Variants in ADGRL2 observed in about 807,000 individuals in gnomAD.
The protein encoded by ADGRL2 is adhesion G protein-coupled receptor L2.
Under a neutral mutation model 157.4 loss-of-function variants are expected in ADGRL2, and 44 were observed. The ratio of observed to expected loss-of-function variants is 0.28; its 90% confidence interval spans 0.22 to 0.36. ADGRL2 has a LOEUF of 0.36. Ranked by LOEUF, ADGRL2 falls within the 10% of genes least tolerant of loss-of-function variation. The probability of loss-of-function intolerance (pLI) is 1.00; values close to 1 mark genes in which losing one functional copy is unlikely to be tolerated. For synonymous variants in ADGRL2, 585 were observed against 624.7 expected (o/e 0.94, Z 0.95); for missense variants, 1,510 against 1,768.9 (o/e 0.85, Z 2.63).
intron 2 of ADGRL2, among the ~76,000 whole-genome samples, chr1:81,535,820 G>A (rs568238223): frequency 6.6e-6 from 1 of 152,212 alleles, no homozygotes; most frequent in South Asian, 2.1e-4. Flanking sequence ...TATGGCTCCT[G>A]CAAAGTAGGT....
At chr1:81,773,686 C>A (rs2086465312) in intron 2 of ADGRL2, among the ~76,000 whole-genome samples, 1 of 152,284 alleles carries the variant, frequency 6.6e-6, no homozygotes, top group South Asian at 2.1e-4. Context: ...AAGGGACTGA[C>A]ATTTAGGGGT....
chr1:81,945,618 TC>T (rs1218567684), intron 6 of ADGRL2, among the ~76,000 whole-genome samples: 2 of 152,100 alleles, frequency 1.3e-5, no homozygotes, highest in Non-Finnish European at 2.9e-5. Flanking sequence ...AATAATTTGA[TC>T]CATTTCAGAT....
chr1:81,719,417 A>T (rs1390885123), intron 1 of ADGRL2, among the ~76,000 whole-genome samples: 1 of 152,184 alleles, frequency 6.6e-6, no homozygotes, highest in African/African-American at 2.4e-5. Flanking sequence ...CTTCGTCTAC[A>T]CATAGCCAGA....
intron 3 of ADGRL2, among the ~76,000 whole-genome samples, chr1:81,636,140 T>C (rs1284805074): frequency 6.6e-6 from 1 of 152,166 alleles, no homozygotes; most frequent in South Asian, 2.1e-4. Context: ...GTGGGGTACA[T>C]GTACTCCTCC....
intron 2 of ADGRL2, among the ~76,000 whole-genome samples, chr1:81,563,767 T>C (rs928739456): frequency 1.3e-5 from 2 of 152,244 alleles, no homozygotes; most frequent in South Asian, 2.1e-4. Context: ...AGGAACATCA[T>C]ATATAAATAT....
chr1:81,830,165 A>G (rs1175473977), intron 1 of ADGRL2, among the ~76,000 whole-genome samples: 1 of 152,184 alleles, frequency 6.6e-6, no homozygotes, highest in Non-Finnish European at 1.5e-5. Flanking sequence ...GCTATATCTT[A>G]ATCTGTTTTA....
intron 2 of ADGRL2, among the ~76,000 whole-genome samples, chr1:81,847,672 A>G (rs1327593491): frequency 6.6e-6 from 1 of 151,802 alleles, no homozygotes; most frequent in East Asian, 1.9e-4. Flanking sequence ...TCCCTGAGTA[A>G]CAATGCAGCC....
chr1:81,766,918 C>G (rs1046525690), intron 2 of ADGRL2, among the ~76,000 whole-genome samples: 1 of 149,014 alleles, frequency 6.7e-6, no homozygotes, highest in African/African-American at 2.5e-5. Flanking sequence ...TTAAGAAAAA[C>G]ACATTATAAT....
At position 81,950,331 on chromosome 1, in the gene ADGRL2, T is replaced by A. The variant is rs1333227744; in HGVS notation, c.1353T>A (p.Pro451=). Residue 451 remains proline, a synonymous_variant, in exon 7 of 24, where the codon CCT becomes CCA. Coordinates refer to ENST00000686636, the MANE Select transcript of ADGRL2 (RefSeq NM_001366006.2). ...AAGGAAGCAAAGGGACAAAACCACCTCCAGCAGTTTCTACAACCAAAATTC... is the reference window on the plus strand; with the variant it reads ...AAGGAAGCAAAGGGACAAAACCACCACCAGCAGTTTCTACAACCAAAATTC... ...SQEGSKGTKP[P]PAVSTTKIPP... The A allele has an allele frequency of 1.7e-5, 28 of 1,613,880 alleles. No individual in the cohort carries two copies. Among genetic ancestry groups the A allele is most frequent in the Non-Finnish European group, 2.3e-5 (27 of 1,179,974 alleles).
At chr1:81,887,995 C>A (rs2094166739) in intron 2 of ADGRL2, among the ~76,000 whole-genome samples, 1 of 152,014 alleles carries the variant, frequency 6.6e-6, no homozygotes, top group African/African-American at 2.4e-5. Flanking sequence ...TGTGGCTAGA[C>A]AGTCAAGCGG....
At chr1:81,670,130 T>C (rs888634917) in intron 3 of ADGRL2, among the ~76,000 whole-genome samples, 12 of 152,194 alleles carry the variant, frequency 7.9e-5, no homozygotes, top group Non-Finnish European at 1.3e-4. Flanking sequence ...TGGCTAATTT[T>C]GAAAATCTTT....
At chr1:81,516,480 T>C (rs76219692) in intron 2 of ADGRL2, among the ~76,000 whole-genome samples, 5,531 of 152,344 alleles carry the variant, frequency 0.036, 176 homozygotes, top group Non-Finnish European at 0.058. Context: ...TCCTGCAAAG[T>C]ATTACCTGAC....
chr1:81,677,870 C>T (rs1189366117), intron 3 of ADGRL2, among the ~76,000 whole-genome samples: 1 of 152,164 alleles, frequency 6.6e-6, no homozygotes, highest in Non-Finnish European at 1.5e-5. Context: ...TAAAGTGACA[C>T]GCAAGGGACT....
intron 7 of ADGRL2, 72 bp downstream of exon 7, chr1:81,950,554 T>C: frequency 7.3e-7 from 1 of 1,371,310 alleles, no homozygotes; most frequent in Non-Finnish European, 1.0e-6. Flanking sequence ...GTGAAGTGAT[T>C]TTATTCAAAG....
At chr1:81,751,841 G>T (rs1329749523) in intron 1 of ADGRL2, among the ~76,000 whole-genome samples, 2 of 152,092 alleles carry the variant, frequency 1.3e-5, no homozygotes, top group Admixed American at 6.5e-5. Context: ...AATGTTATTT[G>T]TCATTACAAC....
chr1:81,691,485 T>G (rs2083332109), intron 3 of ADGRL2, among the ~76,000 whole-genome samples: 1 of 152,074 alleles, frequency 6.6e-6, no homozygotes, highest in Admixed American at 6.5e-5. Context: ...TAATACCAAC[T>G]ATTAGTTTTC....
chr1:81,553,981 T>C (rs979655202), intron 2 of ADGRL2, among the ~76,000 whole-genome samples: 13 of 152,226 alleles, frequency 8.5e-5, no homozygotes, highest in African/African-American at 2.7e-4. Flanking sequence ...CTAAAGGCCC[T>C]GTAGATGATA....
chr1:81,789,681 G>A (rs1374277788), intron 2 of ADGRL2, among the ~76,000 whole-genome samples: 1 of 129,822 alleles, frequency 7.7e-6, no homozygotes, highest in Non-Finnish European at 1.5e-5. Flanking sequence ...AGCGCCTGGT[G>A]ACAGAGCGAG....
At chr1:81,772,118 C>A (rs191452986) in intron 2 of ADGRL2, among the ~76,000 whole-genome samples, 22 of 151,814 alleles carry the variant, frequency 1.4e-4, no homozygotes, top group African/African-American at 5.3e-4. Flanking sequence ...GGCATAGTGG[C>A]GGGCACCTGT....
Sources: gnomAD v4.1 joint callset for allele counts (sites outside exome capture counted in the v4.1 genomes callset) on GRCh38, gnomAD v4.1.1 for gene constraint, MANE v1.5 for transcripts, NCBI Gene and HGNC (gene_info 2026-07-23, HGNC 2026-07-21) for gene names.